The following LRRC4C variants were observed in gnomAD, a reference collection of about 807,000 sequenced individuals.
The protein encoded by LRRC4C is leucine-rich repeat-containing protein 4C.
Under a neutral mutation model 33.6 loss-of-function variants are expected in LRRC4C, and 5 were observed. The observed-to-expected ratio is 0.15, with a 90% CI of 0.08 to 0.31. LRRC4C has a LOEUF of 0.31. Ranked by LOEUF, LRRC4C falls within the 10% of genes least tolerant of loss-of-function variation. The pLI is 1.00. For synonymous variants in LRRC4C, 329 were observed against 302.0 expected, an observed-to-expected ratio of 1.09 and a Z score of -0.93; for missense variants, 560 against 796.7, an observed-to-expected ratio of 0.70 and a Z score of 3.58.
chr11:40,331,703 A>G (rs1341266056), intron 3 of LRRC4C, among the ~76,000 whole-genome samples: 1 of 152,164 alleles, frequency 6.6e-6, no homozygotes, highest in Non-Finnish European at 1.5e-5. Context: ...GAGCTGGGAC[A>G]TGCATCTTCT....
intron 3 of LRRC4C, among the ~76,000 whole-genome samples, chr11:40,520,745 G>A (rs1955775998): frequency 6.6e-6 from 1 of 152,108 alleles, no homozygotes; most frequent in Admixed American, 6.6e-5. Flanking sequence ...TTGGACACAG[G>A]ATTACCACAA....
At chr11:41,399,798 A>G (rs1953958331) in intron 1 of LRRC4C, among the ~76,000 whole-genome samples, 1 of 151,976 alleles carries the variant, frequency 6.6e-6, no homozygotes, top group African/African-American at 2.4e-5. Context: ...AATTTTTTGC[A>G]TCAACTAAAG....
intron 2 of LRRC4C, among the ~76,000 whole-genome samples, chr11:40,667,886 G>C (rs1015562924): frequency 6.6e-6 from 1 of 152,182 alleles, no homozygotes; most frequent in African/African-American, 2.4e-5. Flanking sequence ...GAATCCACAG[G>C]ACTATGAGAT....
chr11:40,463,026 T>C (rs1236003853), intron 3 of LRRC4C, among the ~76,000 whole-genome samples: 1 of 152,068 alleles, frequency 6.6e-6, no homozygotes, highest in African/African-American at 2.4e-5. Context: ...AGTCCTACGA[T>C]TCATTCTCTG....
chr11:40,346,143 A>G (rs570493082), intron 3 of LRRC4C, among the ~76,000 whole-genome samples: 1 of 152,342 alleles, frequency 6.6e-6, no homozygotes, highest in South Asian at 2.1e-4. Flanking sequence ...CGGTGTGGTG[A>G]TTCCTCAAAG....
intron 1 of LRRC4C, among the ~76,000 whole-genome samples, chr11:41,417,783 TA>T (rs1318784260): frequency 6.6e-6 from 1 of 151,906 alleles, no homozygotes; most frequent in African/African-American, 2.4e-5. Flanking sequence ...TTTATTTGCC[TA>T]AAAAAGTGTC....
At chr11:41,116,179 A>C (rs559084460) in intron 1 of LRRC4C, among the ~76,000 whole-genome samples, 1 of 152,284 alleles carries the variant, frequency 6.6e-6, no homozygotes, top group East Asian at 1.9e-4. Flanking sequence ...AGAGCATTTA[A>C]GACTACAAGC....
At chr11:41,047,209 A>T (rs1857835019) in intron 1 of LRRC4C, among the ~76,000 whole-genome samples, 1 of 152,102 alleles carries the variant, frequency 6.6e-6, no homozygotes, top group Non-Finnish European at 1.5e-5. Flanking sequence ...ATTCGCAAAA[A>T]ATTTGAATAG....
intron 1 of LRRC4C, among the ~76,000 whole-genome samples, chr11:41,103,060 A>T (rs534414888): frequency 6.6e-6 from 1 of 152,098 alleles, no homozygotes; most frequent in South Asian, 2.1e-4. Context: ...TTATTTTTTA[A>T]AAAAAGCATT....
At chr11:41,074,341 A>T (rs1021198753) in intron 1 of LRRC4C, among the ~76,000 whole-genome samples, 2 of 152,162 alleles carry the variant, frequency 1.3e-5, no homozygotes, top group Non-Finnish European at 2.9e-5. Flanking sequence ...CACTTTAAAG[A>T]TATTCCTTAC....
At chr11:40,721,432 T>C (rs1402228899) in intron 2 of LRRC4C, among the ~76,000 whole-genome samples, 2 of 152,168 alleles carry the variant, frequency 1.3e-5, no homozygotes, top group Non-Finnish European at 1.5e-5. Flanking sequence ...GAAGTAAATG[T>C]TTGTTGTTTA....
intron 4 of LRRC4C, among the ~76,000 whole-genome samples, chr11:40,311,991 C>A: frequency 1.4e-5 from 2 of 146,740 alleles, no homozygotes; most frequent in Admixed American, 6.9e-5. Flanking sequence ...ATGTACATTA[C>A]AGTGCTTTAT....
At chr11:41,293,099 A>C (rs960616745) in intron 1 of LRRC4C, among the ~76,000 whole-genome samples, 2 of 152,210 alleles carry the variant, frequency 1.3e-5, no homozygotes, top group Non-Finnish European at 2.9e-5. Flanking sequence ...ATTGAATCCC[A>C]GGAGAAATGC....
At chr11:40,399,525 G>A (rs940346210) in intron 3 of LRRC4C, among the ~76,000 whole-genome samples, 1 of 151,756 alleles carries the variant, frequency 6.6e-6, no homozygotes, top group Non-Finnish European at 1.5e-5. Context: ...ACACTCCGGG[G>A]ACTGTTGTGG....
At chr11:41,043,443 G>C (rs966280787) in intron 1 of LRRC4C, among the ~76,000 whole-genome samples, 1 of 152,062 alleles carries the variant, frequency 6.6e-6, no homozygotes, top group South Asian at 2.1e-4. Flanking sequence ...GTTAAATGTT[G>C]CTGCTATTGT....
chr11:41,293,380 T>C (rs1950045189), intron 1 of LRRC4C, among the ~76,000 whole-genome samples: 1 of 152,034 alleles, frequency 6.6e-6, no homozygotes, highest in South Asian at 2.1e-4. Flanking sequence ...TATACATAGA[T>C]ATACATACGG....
intron 1 of LRRC4C, among the ~76,000 whole-genome samples, chr11:41,097,575 C>T (rs2135585427): frequency 6.6e-6 from 1 of 152,168 alleles, no homozygotes; most frequent in East Asian, 1.9e-4. Context: ...ATTGAAGAAC[C>T]TGAAATAACA....
In LRRC4C at chr11:40,137,028, A is replaced by G. The variant is rs146819358; in HGVS notation, c.-43+3773T>C. Among the ~76,000 whole-genome samples, 1,499 of 152,338 alleles carry G rather than the reference A, an allele frequency of 9.8e-3. 32 individuals carry two copies. The highest frequency in any genetic ancestry group is 0.033 in the African/African-American group (1,360 of 41,568). ...GACTCAGTATTCTAATAATAAGGCAAGTATAAGCATATAACAACAAAAAAA... is the reference window on the plus strand; with the variant it reads ...GACTCAGTATTCTAATAATAAGGCAGGTATAAGCATATAACAACAAAAAAA... On this transcript the variant is annotated intron_variant, in intron 6 of 6. Coordinates refer to ENST00000528697, the MANE Select transcript of LRRC4C (RefSeq NM_001258419.2).
At chr11:40,129,075 G>A (rs1035769402) in intron 6 of LRRC4C, among the ~76,000 whole-genome samples, 2 of 152,104 alleles carry the variant, frequency 1.3e-5, no homozygotes, top group Non-Finnish European at 2.9e-5. Context: ...CAGTACTCAT[G>A]GAGTGTTTGT....
Sources: allele counts gnomAD v4.1 joint callset (sites outside exome capture counted in the v4.1 genomes callset), GRCh38; gene constraint gnomAD v4.1.1; transcripts MANE v1.5; gene names NCBI Gene and HGNC (gene_info 2026-07-23, HGNC 2026-07-21).